The following ATP13A5 variants were observed in gnomAD, a reference collection of about 807,000 sequenced individuals.
ATP13A5 encodes ATPase 13A5.
ATP13A5 carries 149 observed loss-of-function variants against 150.2 expected under a neutral mutation model. The ratio of observed to expected loss-of-function variants is 0.99; its 90% CI spans 0.87 to 1.14. The LOEUF is 1.14. ATP13A5 is among the 50% of genes most tolerant of loss of function. ATP13A5 has a pLI of 0.00. For missense variants in ATP13A5, 1,383 were observed against 1,449.3 expected (o/e 0.95, Z 0.74); for synonymous variants, 497 against 522.2 (o/e 0.95, Z 0.66).
intron 25 of ATP13A5, among the ~76,000 whole-genome samples, chr3:193,297,995 A>G (rs1379894052): frequency 6.6e-6 from 1 of 152,118 alleles, no homozygotes; most frequent in African/African-American, 2.4e-5. Flanking sequence ...AGGAGGAGAT[A>G]TGATTCATGT....
Position 193,279,422 on chromosome 3 carries a change from C to G in ATP13A5, c.3259G>C (p.Gly1087Arg). The G allele has an allele frequency of 6.2e-7, 1 of 1,613,666 alleles. No individual in the cohort carries two copies. Among genetic ancestry groups the G allele is most frequent in the Non-Finnish European group, 8.5e-7 (1 of 1,179,794 alleles). Residue 1087 changes from glycine (G) to arginine (R), a missense_variant, in exon 28 of 30, where the codon GGC (glycine) becomes CGC (arginine). Gly to Arg is a moderately radical substitution (Grantham distance 125). Transcript: ENST00000342358. The stretch of plus-strand genomic sequence containing the variant: ...GAAAACAGAATGAAAATTGTGAGGC[C>G]CAAGGCAGCTAGCAGCAGAAATGAA... The part of the protein sequence containing the change: ...IFSFLLLAAL[G>R]LTIFILFSDF...
intron 28 of ATP13A5, 118 bp downstream of exon 28, chr3:193,279,248 A>G: frequency 2.6e-6 from 2 of 768,478 alleles, no homozygotes; most frequent in Non-Finnish European, 4.3e-6. Context: ...GTATATAGAA[A>G]TAGCCTCACA....
At chr3:193,321,578 C>T (rs1719278731) in intron 16 of ATP13A5, 103 bp downstream of exon 16, 9 of 1,305,868 alleles carry the variant, frequency 6.9e-6, no homozygotes, top group Non-Finnish European at 1.1e-6. Context: ...CTACAGTGAG[C>T]TGAGATCGTG....
rs751424733 is a variant in ATP13A5 at position 193,364,183 on chromosome 3, C to G, written c.161G>C (p.Arg54Thr). 6.8e-6 allele frequency: 11 copies of G among 1,613,998 alleles called. No individual in the cohort carries two copies. Among genetic ancestry groups the G allele is most frequent in the African/African-American group, 1.3e-5 (1 of 74,916 alleles). Residue 54 changes from arginine to threonine, a missense_variant, in exon 2 of 30, where the codon AGA becomes ACA. This residue lies in a region of ATP13A5 where 787 missense variants were observed against 771.9 expected (regional missense o/e 1.02). Coordinates refer to ENST00000342358, the MANE Select transcript of ATP13A5 (RefSeq NM_198505.4). ...GTTGGCCCACACTCTCCACTGGGGT[C>G]TCCAGTAGAACACCAGCAGAAGGCC... ...CGGLLLVFYW[R>T]PQWRVWANCI...
At chr3:193,334,550 A>G in intron 10 of ATP13A5, among the ~76,000 whole-genome samples, 1 of 152,170 alleles carries the variant, frequency 6.6e-6, no homozygotes, top group East Asian at 1.9e-4. Flanking sequence ...TGAATTTGAC[A>G]TACAGCCTAG....
chr3:193,278,155 TGA>T (rs2108813396), intron 28 of ATP13A5, among the ~76,000 whole-genome samples: 1 of 152,320 alleles, frequency 6.6e-6, no homozygotes, highest in South Asian at 2.1e-4. Context: ...CTAAACTACT[TGA>T]GAGCAGTGAC....
At chr3:193,322,669 C>G in intron 14 of ATP13A5, 95 bp from the exon 15 acceptor site, 1 of 879,326 alleles carries the variant, frequency 1.1e-6, no homozygotes, top group Non-Finnish European at 1.8e-6. Context: ...CTTTTCAAAG[C>G]CATTTTTACA....
Position 193,285,039 on chromosome 3 carries a change from A to C in ATP13A5, c.3101T>G (p.Leu1034Arg), listed in dbSNP as rs188934438. Residue 1034 changes from leucine (L) to arginine (R), a missense_variant, in exon 27 of 30, where the codon CTG becomes CGG. Around this residue, in one of 3 missense-constraint regions of ATP13A5, gnomAD observed 568 missense variants for 621.5 expected, o/e 0.91. Coordinates refer to ENST00000342358, the MANE Select transcript of ATP13A5 (RefSeq NM_198505.4). ...AAAACTTAAAATTGAACCAGGAATC[A>C]GAGTTGCATTTCCAGTCCAGTTTCT... ...LERNWTGNATLIPGSILSFET... is the reference protein window; with the variant it reads ...LERNWTGNATRIPGSILSFET... The C allele has an allele frequency of 6.2e-7, 1 of 1,614,024 alleles. No homozygotes were observed. Among genetic ancestry groups the C allele is most frequent in the Non-Finnish European group, 8.5e-7 (1 of 1,179,994 alleles).
chr3:193,366,425 G>A (rs1248528714), intron 1 of ATP13A5, among the ~76,000 whole-genome samples: 2 of 151,958 alleles, frequency 1.3e-5, no homozygotes, highest in East Asian at 3.8e-4. Context: ...GGCAAACAGT[G>A]GAAGAAAGCT....
In ATP13A5 at chr3:193,364,232, C is replaced by G; in HGVS notation, c.112G>C (p.Val38Leu). Residue 38 changes from valine (V) to leucine (L), a missense_variant, in exon 2 of 30, where the codon GTC becomes CTC. By Grantham distance (32) the Val-to-Leu change is conservative. Around this residue, in one of 3 missense-constraint regions of ATP13A5, gnomAD observed 787 missense variants for 771.9 expected, o/e 1.02. Transcript: ENST00000342358. Reference protein sequence around the residue: ...DHNVRKAFCLVASVLTCGGLL... With the variant: ...DHNVRKAFCLLASVLTCGGLL... ...CCCCCACAGGTCAGCACGGATGCGA[C>G]AAGGCAGAAGGCTTTCCGTACATTG... The G allele has an allele frequency of 6.2e-7, 1 of 1,614,124 alleles. No individual in the cohort carries two copies. Among genetic ancestry groups the G allele is most frequent in the South Asian group, 1.1e-5 (1 of 91,074 alleles).
intron 1 of ATP13A5, among the ~76,000 whole-genome samples, chr3:193,372,531 G>T (rs1167183738): frequency 6.6e-6 from 1 of 152,040 alleles, no homozygotes; most frequent in Non-Finnish European, 1.5e-5. Flanking sequence ...ATGAGTTTTA[G>T]AATTAAATGT....
At position 193,362,386 on chromosome 3, in the gene ATP13A5, C is replaced by G; in HGVS notation, c.531G>C (p.Glu177Asp). The G allele has an allele frequency of 6.2e-7, 1 of 1,613,926 alleles. No individual in the cohort carries two copies. The highest frequency in any genetic ancestry group is 1.3e-5 in the African/African-American group (1 of 75,030). The change falls in exon 5 of 30, where the codon GAG becomes GAC. Residue 177 changes from glutamate (E) to aspartate (D), a missense_variant. This residue lies in a region of ATP13A5 where 787 missense variants were observed against 771.9 expected (regional missense o/e 1.02). Coordinates refer to ENST00000342358, the MANE Select transcript of ATP13A5 (RefSeq NM_198505.4). Reference sequence around the variant, plus strand: ...AGGCATATAATAAGTCCTACCTGACCTCTTGCTCTTCACTGGTCAGACCCA... The same window carrying G: ...AGGCATATAATAAGTCCTACCTGACGTCTTGCTCTTCACTGGTCAGACCCA... ...FGLGLTSEEQ[E>D]VRRLVCGPNA...
chr3:193,317,844 C>T (rs1560129895), intron 17 of ATP13A5, among the ~76,000 whole-genome samples: 1 of 152,192 alleles, frequency 6.6e-6, no homozygotes, highest in Non-Finnish European at 1.5e-5. Context: ...GAGAACAACA[C>T]AGCTGCGTTT....
intron 7 of ATP13A5, among the ~76,000 whole-genome samples, chr3:193,346,110 G>A (rs1228314573): frequency 6.6e-6 from 1 of 152,084 alleles, no homozygotes; most frequent in African/African-American, 2.4e-5. Context: ...TTGCTCATCA[G>A]AAAGGGGAGA....
Position 193,276,777 on chromosome 3 carries a change from G to A in ATP13A5, c.3369C>T (p.Thr1123=), listed in dbSNP as rs745944109. 1.9e-6 allele frequency: 3 copies of A among 1,612,862 alleles called. No individual in the cohort carries two copies. Among genetic ancestry groups the A allele is most frequent in the East Asian group, 2.2e-5 (1 of 44,862 alleles). ...CTACAAAGAAAGCCACACAGAATTG[G>A]GTGAGGGCTACCACCAAAATTAAAA... The part of the protein sequence containing the change: ...WRVLILVVAL[T]QFCVAFFVED... The change falls in exon 29 of 30, where the codon ACC becomes ACT. Residue 1123 remains threonine (T), a synonymous_variant. Coordinates refer to ENST00000342358, the MANE Select transcript of ATP13A5 (RefSeq NM_198505.4).
chr3:193,341,129 T>A (rs1277282291), intron 9 of ATP13A5, among the ~76,000 whole-genome samples: 1 of 151,810 alleles, frequency 6.6e-6, no homozygotes, highest in East Asian at 1.9e-4. Context: ...GAAAAAAAGC[T>A]ATAGTGCCAA....
intron 16 of ATP13A5, among the ~76,000 whole-genome samples, chr3:193,320,836 G>A (rs1719243466): frequency 6.6e-6 from 1 of 152,198 alleles, no homozygotes; most frequent in Non-Finnish European, 1.5e-5. Context: ...GAGTGCATAT[G>A]TTTATAAGAC....
rs565810040 is a variant in ATP13A5, at chr3:193,377,632, T to C, written c.63+1031A>G. Among the ~76,000 whole-genome samples, 4 of 152,176 alleles carry C rather than the reference T, an allele frequency of 2.6e-5. No homozygotes were observed. In the South Asian group the frequency reaches 6.2e-4, roughly 24 times the overall value. On this transcript the variant is annotated intron_variant, in intron 1 of 29. Coordinates refer to ENST00000342358, the MANE Select transcript of ATP13A5 (RefSeq NM_198505.4). ...ATGAAATCATATGTTTTCCTTAGAG[T>C]AGCAAACAGGGATAGGTGGAGGGAG...
At chr3:193,293,219 GC>G (rs966921303) in intron 25 of ATP13A5, among the ~76,000 whole-genome samples, 1 of 152,080 alleles carries the variant, frequency 6.6e-6, no homozygotes, top group African/African-American at 2.4e-5. Flanking sequence ...AAAATGGCAA[GC>G]CCTGCAATAC....
Sources: allele counts gnomAD v4.1 joint callset (sites outside exome capture counted in the v4.1 genomes callset), GRCh38; gene constraint gnomAD v4.1.1; regional missense constraint gnomAD v4.1.1; transcripts MANE v1.5; gene names NCBI Gene and HGNC (gene_info 2026-07-23, HGNC 2026-07-21).